Variants in TTC27 observed in about 807,000 individuals in gnomAD.
The protein encoded by TTC27 is tetratricopeptide repeat protein 27.
Under a neutral mutation model 115.9 loss-of-function variants are expected in TTC27, and 79 were observed. The ratio of observed to expected loss-of-function variants is 0.68; its 90% confidence interval spans 0.57 to 0.82. TTC27 has a LOEUF of 0.82. Among genes scored for constraint, TTC27 ranks in the 40% least tolerant of loss-of-function variants. The pLI is 0.00. For synonymous variants in TTC27, 401 were observed against 356.0 expected (o/e 1.13, Z -1.42); for missense variants, 1,054 against 993.1 (o/e 1.06, Z -0.82).
intron 5 of TTC27, among the ~76,000 whole-genome samples, chr2:32,663,221 T>C (rs1665619801): frequency 6.6e-6 from 1 of 152,044 alleles, no homozygotes; most frequent in Non-Finnish European, 1.5e-5. Flanking sequence ...GCCATTGGGG[T>C]ATGAAAAAAC....
chr2:32,791,686 A>G (rs1366255026), intron 16 of TTC27, among the ~76,000 whole-genome samples: 2 of 152,062 alleles, frequency 1.3e-5, no homozygotes, highest in East Asian at 3.8e-4. Context: ...AACTATACCT[A>G]ACAAAGGTTT....
At chr2:32,696,259 C>T (rs941660554) in intron 9 of TTC27, among the ~76,000 whole-genome samples, 1 of 144,926 alleles carries the variant, frequency 6.9e-6, no homozygotes, top group Non-Finnish European at 1.5e-5. Flanking sequence ...TTCTATACCA[C>T]ATTTTTGTTT....
chr2:32,774,301 C>G (rs1021290608), intron 13 of TTC27, among the ~76,000 whole-genome samples: 2 of 151,536 alleles, frequency 1.3e-5, no homozygotes, highest in Non-Finnish European at 2.9e-5. Flanking sequence ...CCACCTCAGT[C>G]TCCCGAGTAG....
intron 9 of TTC27, among the ~76,000 whole-genome samples, chr2:32,698,741 A>C (rs7588226): frequency 0.013 from 1,926 of 152,102 alleles, 43 homozygotes; most frequent in African/African-American, 0.044. Flanking sequence ...CGGCCTCCCA[A>C]AGTGCTGGGA....
intron 18 of TTC27, among the ~76,000 whole-genome samples, chr2:32,814,781 C>A (rs1472673451): frequency 6.6e-6 from 1 of 152,164 alleles, no homozygotes; most frequent in African/African-American, 2.4e-5. Context: ...AGGCTATATA[C>A]CATGTAGCTA....
At chr2:32,635,861 A>C (rs986985659) in intron 3 of TTC27, among the ~76,000 whole-genome samples, 3 of 152,164 alleles carry the variant, frequency 2.0e-5, no homozygotes, top group Non-Finnish European at 2.9e-5. Context: ...CACTATATAT[A>C]CTTCATTAGA....
At chr2:32,670,180 T>C (rs1023168103) in intron 7 of TTC27, among the ~76,000 whole-genome samples, 1 of 152,090 alleles carries the variant, frequency 6.6e-6, no homozygotes, top group Admixed American at 6.5e-5. Context: ...ACCTGGCTTC[T>C]GTCTAGCTTC....
At chr2:32,783,052 A>G (rs1670235496) in intron 15 of TTC27, among the ~76,000 whole-genome samples, 2 of 152,192 alleles carry the variant, frequency 1.3e-5, no homozygotes, top group Admixed American at 1.3e-4. Flanking sequence ...AGAAATATAA[A>G]TAAATATGAA....
intron 4 of TTC27, among the ~76,000 whole-genome samples, chr2:32,645,313 A>G (rs770067075): frequency 1.3e-5 from 2 of 152,162 alleles, no homozygotes; most frequent in Non-Finnish European, 2.9e-5. Flanking sequence ...ATTTCTCTGA[A>G]TATCAGTTTC....
chr2:32,701,699 A>T lies in TTC27; in HGVS notation c.1120-1108A>T, dbSNP rs114868368. 2.0e-3 allele frequency among the ~76,000 whole-genome samples: 302 copies of T among 152,316 alleles called. 3 individuals carry two copies. The highest frequency in any genetic ancestry group is 6.6e-3 in the African/African-American group (275 of 41,560). On this transcript the variant is annotated intron_variant, in intron 9 of 19. Coordinates refer to ENST00000317907, the MANE Select transcript of TTC27 (RefSeq NM_017735.5). ...TAACCTTTAATGAGAGTTTGGAGTTATGAATGAGTTTGATAAAAGACAAAT... is the reference window on the plus strand; with the variant it reads ...TAACCTTTAATGAGAGTTTGGAGTTTTGAATGAGTTTGATAAAAGACAAAT...
chr2:32,665,089 C>T (rs971263042), intron 6 of TTC27, among the ~76,000 whole-genome samples: 6 of 151,942 alleles, frequency 3.9e-5, no homozygotes, highest in Non-Finnish European at 7.4e-5. Context: ...TCAAGTGATC[C>T]GCCCGCCTTG....
rs148483880 is a variant in TTC27, at chr2:32,736,699, A to G, written c.1335A>G (p.Gln445=). 7 of 1,613,638 alleles carry G rather than the reference A, an allele frequency of 4.3e-6. No individual in the cohort carries two copies. In the African/African-American group the frequency reaches 6.7e-5, roughly 15 times the overall value. ...QVPPHWAIQR[Q]LASLLFELGC... Reference sequence around the variant, plus strand: ...TTTTTACTTGATTTTTCTAGCGCCAACTTGCAAGTTTGCTCTTTGAGTTGG... The same window carrying G: ...TTTTTACTTGATTTTTCTAGCGCCAGCTTGCAAGTTTGCTCTTTGAGTTGG... The change falls in exon 12 of 20, where the codon CAA becomes CAG. Residue 445 remains glutamine, a synonymous_variant. Coordinates refer to ENST00000317907, the MANE Select transcript of TTC27 (RefSeq NM_017735.5).
At chr2:32,640,734 G>C (rs760177887) in intron 4 of TTC27, among the ~76,000 whole-genome samples, 2 of 152,138 alleles carry the variant, frequency 1.3e-5, no homozygotes, top group Non-Finnish European at 2.9e-5. Context: ...TGTAATCCCA[G>C]CACTTTGAGA....
At chr2:32,810,072 A>G (rs1402734893) in intron 16 of TTC27, among the ~76,000 whole-genome samples, 2 of 149,786 alleles carry the variant, frequency 1.3e-5, no homozygotes, top group African/African-American at 5.0e-5. Flanking sequence ...CTGAGATCAT[A>G]CCACTGCACT....
At chr2:32,782,814 T>G in intron 15 of TTC27, 136 bp downstream of exon 15, 2 of 568,758 alleles carry the variant, frequency 3.5e-6, no homozygotes, top group Admixed American at 7.0e-5. Flanking sequence ...ATAACTTAAG[T>G]AGAAAAACTT....
At chr2:32,727,115 G>T (rs1388221108) in intron 10 of TTC27, among the ~76,000 whole-genome samples, 5 of 152,178 alleles carry the variant, frequency 3.3e-5, no homozygotes, top group African/African-American at 1.2e-4. Context: ...AGTTACCAAT[G>T]ATAAAATTTT....
At chr2:32,819,611 A>C (rs1053657920) in intron 19 of TTC27, among the ~76,000 whole-genome samples, 3 of 152,194 alleles carry the variant, frequency 2.0e-5, no homozygotes, top group Non-Finnish European at 2.9e-5. Flanking sequence ...TTGCCAGGCC[A>C]GGGACTTCAT....
intron 12 of TTC27, among the ~76,000 whole-genome samples, chr2:32,751,330 T>G (rs780963562): frequency 2.6e-5 from 4 of 151,550 alleles, no homozygotes; most frequent in Non-Finnish European, 4.4e-5. Context: ...AAGTTTTTGA[T>G]AATGACACCA....
intron 12 of TTC27, among the ~76,000 whole-genome samples, chr2:32,752,411 G>C (rs915905460): frequency 7.2e-5 from 11 of 152,196 alleles, no homozygotes; most frequent in African/African-American, 2.2e-4. Flanking sequence ...ACTTTGTTTA[G>C]TTTTGGCCAC....
Sources: gnomAD v4.1 joint callset for allele counts (sites outside exome capture counted in the v4.1 genomes callset) on GRCh38, gnomAD v4.1.1 for gene constraint, MANE v1.5 for transcripts, NCBI Gene and HGNC (gene_info 2026-07-23, HGNC 2026-07-21) for gene names.